The following HHAT variants were observed in gnomAD, a reference collection of about 807,000 sequenced individuals.
HHAT encodes hedgehog acyltransferase, also known as protein-cysteine N-palmitoyltransferase HHAT.
Under a neutral mutation model 70.8 loss-of-function variants are expected in HHAT, and 47 were observed. The observed-to-expected ratio is 0.66, with a 90% CI of 0.53 to 0.85. HHAT has a LOEUF of 0.85. Among genes scored for constraint, HHAT ranks in the 40% least tolerant of loss-of-function variants. The pLI is 0.00. For missense variants in HHAT, 609 were observed against 604.8 expected (o/e 1.01, Z -0.07); for synonymous variants, 228 against 247.6 (o/e 0.92, Z 0.74).
chr1:210,457,169 AC>A (rs140693069), intron 7 of HHAT, among the ~76,000 whole-genome samples: 1 of 151,340 alleles, frequency 6.6e-6, no homozygotes, highest in African/African-American at 2.4e-5. Flanking sequence ...TTCCTCCTTC[AC>A]CCCCGGCGGG....
At chr1:210,632,001 C>T (rs761450054) in intron 11 of HHAT, among the ~76,000 whole-genome samples, 6 of 152,202 alleles carry the variant, frequency 3.9e-5, no homozygotes, top group East Asian at 1.9e-4. Flanking sequence ...GTCAGAGCTT[C>T]CAGCTGACAC....
At chr1:210,411,782 C>A (rs917168147) in intron 6 of HHAT, among the ~76,000 whole-genome samples, 6 of 151,996 alleles carry the variant, frequency 3.9e-5, no homozygotes, top group African/African-American at 1.4e-4. Context: ...AAAGACCTGT[C>A]CATTGGTCTA....
At chr1:210,400,768 G>C in intron 5 of HHAT, 106 bp downstream of exon 5, 1 of 1,022,022 alleles carries the variant, frequency 9.8e-7, no homozygotes, top group Non-Finnish European at 1.4e-6. Flanking sequence ...TTGTAGAACT[G>C]TGATGGGGCT....
chr1:210,582,874 T>G (rs1474274615), intron 9 of HHAT, among the ~76,000 whole-genome samples: 1 of 152,248 alleles, frequency 6.6e-6, no homozygotes, highest in Non-Finnish European at 1.5e-5. Context: ...CTCATTGGCT[T>G]AAATCCCTTT....
At chr1:210,338,960 A>G (rs28678455) in intron 1 of HHAT, among the ~76,000 whole-genome samples, 1 of 152,164 alleles carries the variant, frequency 6.6e-6, no homozygotes, top group Non-Finnish European at 1.5e-5. Context: ...ACTTGAGCCC[A>G]GGAGTTAGAG....
intron 11 of HHAT, among the ~76,000 whole-genome samples, chr1:210,663,500 C>T (rs1890843): frequency 0.89 from 135,524 of 152,202 alleles, 60,464 homozygotes; most frequent in Admixed American, 0.94. Flanking sequence ...GCTACTTCTC[C>T]GAGCCTTAGT....
intron 8 of HHAT, among the ~76,000 whole-genome samples, chr1:210,503,555 T>G (rs1464248031): frequency 6.6e-6 from 1 of 152,218 alleles, no homozygotes; most frequent in Middle Eastern, 3.2e-3. Flanking sequence ...TATCACCTGG[T>G]ACAATGGAAG....
chr1:210,351,307 A>G (rs1248052965), intron 2 of HHAT, among the ~76,000 whole-genome samples: 2 of 152,202 alleles, frequency 1.3e-5, no homozygotes, highest in Non-Finnish European at 2.9e-5. Context: ...GCCCACCTGC[A>G]TTAAAGAGGG....
At chr1:210,640,498 C>T (rs1672772263) in intron 11 of HHAT, among the ~76,000 whole-genome samples, 1 of 151,978 alleles carries the variant, frequency 6.6e-6, no homozygotes, top group African/African-American at 2.4e-5. Flanking sequence ...CTTTAAAATG[C>T]CTCTAGATCT....
chr1:210,626,848 A>G (rs1312253645), intron 11 of HHAT, among the ~76,000 whole-genome samples: 1 of 152,138 alleles, frequency 6.6e-6, no homozygotes, highest in East Asian at 1.9e-4. Context: ...AACTCATCTG[A>G]CCCCAAAAAG....
At chr1:210,365,183 T>C (rs2088788292) in intron 3 of HHAT, among the ~76,000 whole-genome samples, 1 of 152,198 alleles carries the variant, frequency 6.6e-6, no homozygotes, top group Admixed American at 6.5e-5. Context: ...GTCCAAATTC[T>C]AATCAAAAGA....
intron 1 of HHAT, among the ~76,000 whole-genome samples, chr1:210,339,491 T>C (rs535192501): frequency 6.6e-6 from 1 of 152,326 alleles, no homozygotes; most frequent in East Asian, 1.9e-4. Context: ...TTCTGTGAAC[T>C]CTGGAGCCTG....
chr1:210,663,608 ATGTC>A (rs1276977686), intron 11 of HHAT, among the ~76,000 whole-genome samples: 1 of 152,194 alleles, frequency 6.6e-6, no homozygotes, highest in African/African-American at 2.4e-5. Flanking sequence ...TGCTCAGTAA[ATGTC>A]TGTCTCCTCT....
chr1:210,560,829 A>C (rs1009274544), intron 9 of HHAT, among the ~76,000 whole-genome samples: 13 of 143,900 alleles, frequency 9.0e-5, no homozygotes, highest in African/African-American at 3.2e-4. Context: ...AAAAAAAAAA[A>C]AAAAAAAAAA....
rs540438479 is a variant in HHAT at position 210,644,525 on chromosome 1, C to T, written c.1390+20855C>T. Among the ~76,000 whole-genome samples, 10 of 140,158 alleles carry T rather than the reference C, an allele frequency of 7.1e-5. No individual in the cohort carries two copies. In the East Asian group the frequency reaches 1.7e-3, roughly 24 times the overall value. The allele number at this position is 140,158 out of a possible 152,430, so 91.9% of individuals were successfully genotyped here. On this transcript the variant is annotated intron_variant, in intron 11 of 11. Transcript: ENST00000261458. ...GTCTGAGGCAGGATAATTGCTTGAA[C>T]GTGGGAGGCAGAGGTTGTGGGAAGC...
chr1:210,553,691 G>A (rs774093250), intron 9 of HHAT, among the ~76,000 whole-genome samples: 1 of 152,168 alleles, frequency 6.6e-6, no homozygotes, highest in East Asian at 1.9e-4. Context: ...TGCAGTGTGA[G>A]CTTCCCAAAT....
chr1:210,343,568 G>A (rs995252459), intron 1 of HHAT, among the ~76,000 whole-genome samples: 4 of 152,162 alleles, frequency 2.6e-5, no homozygotes, highest in East Asian at 1.9e-4. Context: ...GGTGGCATTC[G>A]TGTAATGGAG....
chr1:210,356,680 A>T (rs988178228), intron 2 of HHAT, among the ~76,000 whole-genome samples: 1 of 152,234 alleles, frequency 6.6e-6, no homozygotes, highest in Non-Finnish European at 1.5e-5. Context: ...GCTCATTTAT[A>T]GATTAGTTCT....
chr1:210,435,197 C>A (rs529690861), intron 7 of HHAT, among the ~76,000 whole-genome samples: 1 of 151,832 alleles, frequency 6.6e-6, no homozygotes, highest in Non-Finnish European at 1.5e-5. Context: ...ACTTTTATAT[C>A]TCTGACATGT....
Sources: allele counts gnomAD v4.1 joint callset (sites outside exome capture counted in the v4.1 genomes callset), GRCh38; gene constraint gnomAD v4.1.1; transcripts MANE v1.5; gene names NCBI Gene and HGNC (gene_info 2026-07-23, HGNC 2026-07-21).